CASZ1: variants seen among roughly 807,000 people sequenced by gnomAD.
CASZ1 encodes the protein zinc finger protein castor homolog 1.
A neutral mutation model predicts 135.2 loss-of-function variants in CASZ1; 28 were observed. That is an observed-to-expected ratio of 0.21 (90% CI 0.15 to 0.28). CASZ1 has a LOEUF of 0.28. CASZ1 is among the 10% of genes least tolerant of loss of function. The probability of loss-of-function intolerance (pLI) is 1.00; values close to 1 mark genes in which losing one functional copy is unlikely to be tolerated. For synonymous variants in CASZ1, 1,068 were observed against 1,073.4 expected (o/e 0.99, Z 0.10); for missense variants, 2,161 against 2,453.3 (o/e 0.88, Z 2.52).
At chr1:10,678,087 T>C (rs956264982) in intron 4 of CASZ1, among the ~76,000 whole-genome samples, 1 of 151,982 alleles carries the variant, frequency 6.6e-6, no homozygotes, top group Non-Finnish European at 1.5e-5. Context: ...TCTCTGGGGA[T>C]GAGAGGGAAA....
At chr1:10,764,534 T>C (rs1640437980) in intron 1 of CASZ1, among the ~76,000 whole-genome samples, 1 of 152,202 alleles carries the variant, frequency 6.6e-6, no homozygotes, top group Non-Finnish European at 1.5e-5. Flanking sequence ...ATGGTCCCCA[T>C]GGATAGATTA....
rs960912062 is a variant in CASZ1, at chr1:10,684,847, C to A, written c.16+9027G>T. The stretch of plus-strand genomic sequence containing the variant: ...CCGTGGAGGCCAGACCTGAGCCTCT[C>A]CCATCTGTAGGTTTTGAAAAGCTGG... On this transcript the variant is annotated intron_variant, in intron 4 of 20. Transcript: ENST00000377022. Among the ~76,000 whole-genome samples the A allele has an allele frequency of 2.4e-4, 36 of 152,242 alleles. 1 individual carries two copies. The highest frequency in any genetic ancestry group is 8.2e-4 in the African/African-American group (34 of 41,472).
At position 10,702,974 on chromosome 1, in the gene CASZ1, G is replaced by A. The variant is rs563236474; in HGVS notation, c.-24+2518C>T. Among the ~76,000 whole-genome samples, 18 of 152,114 alleles carry A rather than the reference G, an allele frequency of 1.2e-4. No homozygotes were observed. The East Asian group carries it at 3.5e-3, about 29-fold the overall frequency. ...AGAGAGGGAGAGGCAGAGAGAGAGA[G>A]AGAGAGAGAGAGCGCCATGGAGTTG... On this transcript the variant is annotated intron_variant, in intron 3 of 20. Coordinates refer to ENST00000377022, the MANE Select transcript of CASZ1 (RefSeq NM_001079843.3).
intron 1 of CASZ1, among the ~76,000 whole-genome samples, chr1:10,766,915 A>G (rs1055560977): frequency 3.9e-5 from 6 of 152,106 alleles, no homozygotes; most frequent in Admixed American, 3.9e-4. Context: ...TTTAACCCCA[A>G]CTGCCTGACA....
In CASZ1 at chr1:10,659,872, C is replaced by A; in HGVS notation, c.1170G>T (p.Pro390=). The A allele has an allele frequency of 6.2e-7, 1 of 1,610,544 alleles. No individual in the cohort carries two copies. Among genetic ancestry groups the A allele is most frequent in the Middle Eastern group, 1.7e-4 (1 of 5,880 alleles). The part of the protein sequence containing the change: ...GIQKPGPAKV[P]PTPSLAPAPL... ...GTGCGGGAGCCAGGCTGGGGGTGGG[C>A]GGAACCTTGGCGGGGCCTGGCTTCT... The change falls in exon 6 of 21, where the codon CCG becomes CCT. Residue 390 remains proline (P), a synonymous_variant. Transcript: ENST00000377022.
intron 1 of CASZ1, among the ~76,000 whole-genome samples, chr1:10,787,757 G>A (rs536550072): frequency 1.3e-5 from 2 of 151,960 alleles, no homozygotes; most frequent in South Asian, 4.2e-4. Flanking sequence ...GCACACGCAG[G>A]GCATGCAATT....
chr1:10,652,595 G>A (rs982789239), intron 11 of CASZ1: 2 of 152,256 alleles, frequency 1.3e-5, no homozygotes, highest in African/African-American at 4.8e-5. Context: ...GAAAAATGGA[G>A]GGAAATTTTT....
chr1:10,699,579 T>C lies in CASZ1; in HGVS notation c.-23-5667A>G, dbSNP rs1405017629. Among the ~76,000 whole-genome samples, 1 of 152,128 alleles carries C rather than the reference T, an allele frequency of 6.6e-6. No homozygotes were observed. The highest frequency in any genetic ancestry group is 6.5e-5 in the Admixed American group (1 of 15,276). On this transcript the variant is annotated intron_variant, in intron 3 of 20. Coordinates refer to ENST00000377022, the MANE Select transcript of CASZ1 (RefSeq NM_001079843.3). This position sits in a 1 kb window ranked among gnomAD's most constrained non-coding sequence, Gnocchi z 4.6. ...CCAGGGAGCCGGGAGCAGGTTTAAT[T>C]TGCCAGGCAGCCAGGAGTGCCAGCA...
chr1:10,654,285 T>C (rs1642712462), intron 10 of CASZ1, 67 bp from the exon 11 acceptor site: 7 of 1,588,006 alleles, frequency 4.4e-6, no homozygotes, highest in Non-Finnish European at 6.0e-6. Flanking sequence ...ACCATGGCCC[T>C]GGGAGGGACA....
intron 4 of CASZ1, among the ~76,000 whole-genome samples, chr1:10,667,674 T>C (rs1172339264): frequency 6.6e-6 from 1 of 152,194 alleles, no homozygotes; most frequent in East Asian, 1.9e-4. Context: ...GAGCCTGCAC[T>C]ATTTTTACCA....
intron 2 of CASZ1, among the ~76,000 whole-genome samples, chr1:10,712,065 G>A (rs187644072): frequency 6.6e-6 from 1 of 152,208 alleles, no homozygotes; most frequent in African/African-American, 2.4e-5. Flanking sequence ...GTGATTACAG[G>A]CCGGGCGTGG....
At chr1:10,683,616 G>A (rs1035104428) in intron 4 of CASZ1, among the ~76,000 whole-genome samples, 1 of 152,092 alleles carries the variant, frequency 6.6e-6, no homozygotes, top group Non-Finnish European at 1.5e-5. Context: ...ATGCCCGTTC[G>A]GTTAGACATG....
intron 2 of CASZ1, among the ~76,000 whole-genome samples, chr1:10,740,108 C>T (rs529410678): frequency 1.3e-5 from 2 of 152,348 alleles, no homozygotes; most frequent in East Asian, 3.9e-4. Context: ...TTTTAGTTCA[C>T]TCACTCCTCT....
chr1:10,653,081 G>A, intron 11 of CASZ1: 1 of 453,144 alleles, frequency 2.2e-6, no homozygotes, highest in Non-Finnish European at 4.1e-6. Context: ...CAGGGAGGGG[G>A]GACCTGCAGT....
rs1440830618 is a variant in CASZ1, at chr1:10,671,719, C to T, written c.17-6148G>A. The stretch of plus-strand genomic sequence containing the variant: ...CAGGAGGCTGTAAGCTGTGGGCCAC[C>T]GCAGCGGAGCATGATGTCACCTCGG... On this transcript the variant is annotated intron_variant, in intron 4 of 20. Coordinates refer to ENST00000377022, the MANE Select transcript of CASZ1 (RefSeq NM_001079843.3). Among the ~76,000 whole-genome samples, 17 of 152,178 alleles carry T rather than the reference C, an allele frequency of 1.1e-4. 1 individual carries two copies. The highest frequency in any genetic ancestry group is 1.0e-3 in the Admixed American group (16 of 15,290).
chr1:10,646,034 G>C lies in CASZ1; in HGVS notation c.3696+94C>G, dbSNP rs284242. On this transcript the variant is annotated intron_variant, in intron 17 of 20. Coordinates refer to ENST00000377022, the MANE Select transcript of CASZ1 (RefSeq NM_001079843.3). The surrounding 1 kb of genome is among the most constrained non-coding windows in gnomAD (Gnocchi z 6.4). The stretch of plus-strand genomic sequence containing the variant: ...AAATAAGCAAGGTGTGAGAAATGGA[G>C]CCTCTGCCAGGAGGTGACTGTCCTG... 183,995 of 1,189,590 alleles carry C rather than the reference G, an allele frequency of 0.15. 16,373 individuals carry two copies. Among genetic ancestry groups the C allele is most frequent in the African/African-American group, 0.34 (22,802 of 66,258 alleles). The allele number at this position is 1,189,590 out of a possible 1,614,324, so 73.7% of individuals were successfully genotyped here.
chr1:10,643,087 C>T, intron 19 of CASZ1, 73 bp downstream of exon 19: 1 of 1,596,190 alleles, frequency 6.3e-7, no homozygotes, highest in Non-Finnish European at 8.6e-7. Flanking sequence ...GCAGCACAGG[C>T]CTGAGAGTGA....
rs1280141106 is a variant in CASZ1 at position 10,774,889 on chromosome 1, T to G, written c.-233-14032A>C. 6.6e-6 allele frequency among the ~76,000 whole-genome samples: 1 copy of G among 152,106 alleles called. No homozygotes were observed. The highest frequency in any genetic ancestry group is 6.5e-5 in the Admixed American group (1 of 15,280). On this transcript the variant is annotated intron_variant, in intron 1 of 20. Transcript: ENST00000377022. This position sits in a 1 kb window ranked among gnomAD's most constrained non-coding sequence, Gnocchi z 4.4. ...ACGTGTCTCCTGCAACCATCTCTGT[T>G]CCAGCTTCTCTTCCAGACTCCTCCA...
rs143418469 is a variant in CASZ1, at chr1:10,734,058, A to G, written c.-77+26643T>C. On this transcript the variant is annotated intron_variant, in intron 2 of 20. Coordinates refer to ENST00000377022, the MANE Select transcript of CASZ1 (RefSeq NM_001079843.3). Reference sequence around the variant, plus strand: ...CCCAACCAGGCAGAGCCACCAGCCCAGGAGGAGCGCTGGTACATCCCCAGC... The same window carrying G: ...CCCAACCAGGCAGAGCCACCAGCCCGGGAGGAGCGCTGGTACATCCCCAGC... Among the ~76,000 whole-genome samples, 1,326 of 152,332 alleles carry G rather than the reference A, an allele frequency of 8.7e-3. 13 individuals carry two copies. The highest frequency in any genetic ancestry group is 0.013 in the South Asian group (61 of 4,832).
Sources: gnomAD v4.1 joint callset for allele counts (sites outside exome capture counted in the v4.1 genomes callset) on GRCh38, gnomAD v4.1.1 for gene constraint, Gnocchi (gnomAD v3.1) non-coding constraint, MANE v1.5 for transcripts, NCBI Gene and HGNC (gene_info 2026-07-23, HGNC 2026-07-21) for gene names.